The following TMEM132D variants were observed in gnomAD, a reference collection of about 807,000 sequenced individuals.
TMEM132D encodes transmembrane protein 132D.
TMEM132D carries 21 observed loss-of-function variants against 62.3 expected under a neutral mutation model. The observed-to-expected ratio is 0.34, with a 90% CI of 0.24 to 0.49. TMEM132D has a LOEUF of 0.49. Ranked by LOEUF, TMEM132D falls within the 20% of genes least tolerant of loss-of-function variation. TMEM132D has a pLI of 0.99. For synonymous variants in TMEM132D, 621 were observed against 575.6 expected (o/e 1.08, Z -1.13); for missense variants, 1,346 against 1,402.8 (o/e 0.96, Z 0.65).
intron 4 of TMEM132D, among the ~76,000 whole-genome samples, chr12:129,261,578 T>C (rs1437856589): frequency 6.6e-6 from 1 of 152,216 alleles, no homozygotes; most frequent in African/African-American, 2.4e-5. Context: ...AATGGACTAA[T>C]ACAGACTGGA....
chr12:129,364,893 ACACTTT>A (rs1414123229), intron 3 of TMEM132D, among the ~76,000 whole-genome samples: 1 of 152,186 alleles, frequency 6.6e-6, no homozygotes, highest in Non-Finnish European at 1.5e-5. Flanking sequence ...GTTTATACAA[ACACTTT>A]CACTTTCATT....
chr12:129,551,067 G>T (rs193252681), intron 2 of TMEM132D, among the ~76,000 whole-genome samples: 1 of 152,320 alleles, frequency 6.6e-6, no homozygotes, highest in Admixed American at 6.5e-5. Flanking sequence ...CCCAACGGGG[G>T]TCCCAGGCAA....
At chr12:129,352,008 G>A (rs535531332) in intron 3 of TMEM132D, among the ~76,000 whole-genome samples, 2 of 152,230 alleles carry the variant, frequency 1.3e-5, no homozygotes, top group East Asian at 3.9e-4. Context: ...TCAGATTAAG[G>A]ATCCTGTTGT....
intron 2 of TMEM132D, among the ~76,000 whole-genome samples, chr12:129,651,906 A>T (rs1565937119): frequency 6.6e-6 from 1 of 152,292 alleles, no homozygotes; most frequent in East Asian, 1.9e-4. Context: ...TCGCAGTAAA[A>T]TACCAATTTT....
chr12:129,082,159 C>T, intron 6 of TMEM132D, 127 bp from the exon 7 acceptor site: 4 of 1,188,540 alleles, frequency 3.4e-6, no homozygotes, highest in African/African-American at 1.5e-5. Context: ...TATAGCCAGA[C>T]ATGCAGAGGT....
At chr12:129,446,268 T>C (rs1873096194) in intron 3 of TMEM132D, among the ~76,000 whole-genome samples, 1 of 152,164 alleles carries the variant, frequency 6.6e-6, no homozygotes, top group South Asian at 2.1e-4. Flanking sequence ...AGAGAGGATG[T>C]GGTGTGACTT....
chr12:129,766,633 G>A (rs1453014546), intron 1 of TMEM132D, among the ~76,000 whole-genome samples: 4 of 152,086 alleles, frequency 2.6e-5, no homozygotes, highest in African/African-American at 9.7e-5. Flanking sequence ...GGGAGATAAT[G>A]CTTGTCTCCA....
chr12:129,821,429 G>A (rs535153297), intron 1 of TMEM132D, among the ~76,000 whole-genome samples: 113 of 152,194 alleles, frequency 7.4e-4, no homozygotes, highest in African/African-American at 2.6e-3. Flanking sequence ...TGGAATCTTC[G>A]TCCTCAGAAA....
intron 2 of TMEM132D, among the ~76,000 whole-genome samples, chr12:129,608,232 C>T (rs889450067): frequency 2.0e-5 from 3 of 152,284 alleles, no homozygotes; most frequent in South Asian, 2.1e-4. Flanking sequence ...TTTCAATTAA[C>T]GGACCAGAAG....
At chr12:129,116,490 C>T (rs1488062968) in intron 5 of TMEM132D, among the ~76,000 whole-genome samples, 1 of 148,946 alleles carries the variant, frequency 6.7e-6, no homozygotes, top group Non-Finnish European at 1.5e-5. Context: ...GTTGCAAACA[C>T]ATATCTGATT....
intron 3 of TMEM132D, among the ~76,000 whole-genome samples, chr12:129,411,787 G>A (rs549480698): frequency 2.6e-5 from 4 of 152,236 alleles, no homozygotes; most frequent in Middle Eastern, 3.4e-3. Flanking sequence ...TCATCATCTC[G>A]CTTTCATCGG....
At chr12:129,877,382 C>A in intron 1 of TMEM132D, among the ~76,000 whole-genome samples, 1 of 151,926 alleles carries the variant, frequency 6.6e-6, no homozygotes, top group Non-Finnish European at 1.5e-5. Context: ...GACCAAGAAT[C>A]CACCTGATCA....
At chr12:129,402,696 A>G (rs550417044) in intron 3 of TMEM132D, among the ~76,000 whole-genome samples, 7 of 152,160 alleles carry the variant, frequency 4.6e-5, no homozygotes, top group African/African-American at 1.7e-4. Flanking sequence ...TCAGCCTCCT[A>G]AGTCAGTTTT....
At chr12:129,510,286 T>C (rs1003338785) in intron 3 of TMEM132D, among the ~76,000 whole-genome samples, 2 of 152,166 alleles carry the variant, frequency 1.3e-5, no homozygotes, top group Non-Finnish European at 2.9e-5. Context: ...TATTCAGGTC[T>C]TTTGCCTATT....
intron 5 of TMEM132D, among the ~76,000 whole-genome samples, chr12:129,150,142 G>A (rs1385993206): frequency 6.6e-6 from 1 of 152,184 alleles, no homozygotes; most frequent in African/African-American, 2.4e-5. Flanking sequence ...TGGGTGCTGG[G>A]GCTCACTCCC....
intron 5 of TMEM132D, among the ~76,000 whole-genome samples, chr12:129,205,134 C>A (rs1431588164): frequency 6.6e-6 from 1 of 151,934 alleles, no homozygotes; most frequent in South Asian, 2.1e-4. Context: ...TGGCTAACAA[C>A]ATGAAGACAG....
At chr12:129,595,249 G>C (rs1367140582) in intron 2 of TMEM132D, among the ~76,000 whole-genome samples, 1 of 152,162 alleles carries the variant, frequency 6.6e-6, no homozygotes, top group Non-Finnish European at 1.5e-5. Flanking sequence ...TAGATTTATG[G>C]ACCTTATATT....
At chr12:129,899,965 T>G (rs1392321533) in intron 1 of TMEM132D, among the ~76,000 whole-genome samples, 1 of 152,208 alleles carries the variant, frequency 6.6e-6, no homozygotes, top group Non-Finnish European at 1.5e-5. Context: ...TTTGAAGCTC[T>G]TTTTGGTCCA....
At chr12:129,556,881 C>T (rs1877077048) in intron 2 of TMEM132D, among the ~76,000 whole-genome samples, 1 of 152,096 alleles carries the variant, frequency 6.6e-6, no homozygotes, top group African/African-American at 2.4e-5. Context: ...GAGAAATGCT[C>T]CAGAATAATT....
Sources: allele counts gnomAD v4.1 joint callset (sites outside exome capture counted in the v4.1 genomes callset), GRCh38; gene constraint gnomAD v4.1.1; transcripts MANE v1.5; gene names NCBI Gene and HGNC (gene_info 2026-07-23, HGNC 2026-07-21).